RNF111: variants seen among roughly 807,000 people sequenced by gnomAD.
RNF111 encodes E3 ubiquitin-protein ligase Arkadia.
RNF111 carries 17 observed loss-of-function variants against 95.1 expected under a neutral mutation model. The observed-to-expected ratio is 0.18, with a 90% CI of 0.12 to 0.27. The LOEUF is 0.27. Ranked by LOEUF, RNF111 falls within the 10% of genes least tolerant of loss-of-function variation. The pLI is 1.00. For missense variants in RNF111, 1,189 were observed against 1,210.4 expected, an observed-to-expected ratio of 0.98 and a Z score of 0.26; for synonymous variants, 440 against 414.8, an observed-to-expected ratio of 1.06 and a Z score of -0.74.
chr15:59,002,686 A>G (rs1363212605), intron 1 of RNF111, among the ~76,000 whole-genome samples: 1 of 152,212 alleles, frequency 6.6e-6, no homozygotes, highest in Non-Finnish European at 1.5e-5. Context: ...AGTAAAGATA[A>G]AATGAAATAA....
chr15:59,075,900 A>G, intron 6 of RNF111, 54 bp from the exon 7 acceptor site: 2 of 1,568,686 alleles, frequency 1.3e-6, no homozygotes, highest in South Asian at 1.1e-5. Context: ...ATAATATAAC[A>G]TGAAATATTT....
rs117045805 is a variant in RNF111, at chr15:59,080,798, G to T, written c.1949-138G>T. 8.4e-3 allele frequency: 5,512 copies of T among 655,156 alleles called. 53 individuals are homozygous for T. The highest frequency in any genetic ancestry group is 0.028 in the South Asian group (1,262 of 45,424). The allele number at this position is 655,156 out of a possible 1,614,324, so 40.6% of individuals were successfully genotyped here. A position where few individuals can be genotyped will look rare whatever the true frequency, so the allele number is the denominator to read the frequency against. On this transcript the variant is annotated intron_variant, in intron 7 of 13. Coordinates refer to ENST00000348370, the MANE Select transcript of RNF111 (RefSeq NM_017610.8). The stretch of plus-strand genomic sequence containing the variant: ...AAGGGAGCAAGTTGCTTGAGCAGTT[G>T]CTTGAATACTTTACTTGATAAAGTA...
chr15:59,063,402 C>T (rs540722575), intron 5 of RNF111, among the ~76,000 whole-genome samples: 1 of 152,248 alleles, frequency 6.6e-6, no homozygotes, highest in East Asian at 1.9e-4. Flanking sequence ...TCTCGATAAT[C>T]CTGCTAGAGT....
At chr15:59,089,970 T>A (rs1386438595) in intron 11 of RNF111, among the ~76,000 whole-genome samples, 1 of 152,120 alleles carries the variant, frequency 6.6e-6, no homozygotes. Flanking sequence ...GATGAGTAAA[T>A]GAAAATATCT....
At chr15:59,080,880 A>G in intron 7 of RNF111, 56 bp from the exon 8 acceptor site, 1 of 1,288,454 alleles carries the variant, frequency 7.8e-7, no homozygotes, top group Non-Finnish European at 1.1e-6. Flanking sequence ...TATAATAGCA[A>G]TATATGTTCA....
At chr15:59,045,181 A>T (rs2041648608) in intron 2 of RNF111, among the ~76,000 whole-genome samples, 1 of 150,448 alleles carries the variant, frequency 6.6e-6, no homozygotes, top group African/African-American at 2.4e-5. Context: ...TTTTTTTTTA[A>T]GTGTTTCCTC....
chr15:59,009,251 G>T (rs183944300), intron 1 of RNF111, among the ~76,000 whole-genome samples: 6 of 152,116 alleles, frequency 3.9e-5, no homozygotes, highest in African/African-American at 1.4e-4. Context: ...GAGCCACTGC[G>T]CCTGGCCACG....
intron 1 of RNF111, among the ~76,000 whole-genome samples, chr15:58,992,025 T>C (rs1288599321): frequency 6.6e-6 from 1 of 152,112 alleles, no homozygotes; most frequent in Non-Finnish European, 1.5e-5. Context: ...GGAGAAAACT[T>C]GCAAATGTCT....
chr15:59,032,127 C>T (rs2040941398), intron 2 of RNF111, among the ~76,000 whole-genome samples: 3 of 151,988 alleles, frequency 2.0e-5, no homozygotes, highest in African/African-American at 4.8e-5. Context: ...TTAGTGGAGA[C>T]GGGGTTTCAC....
At chr15:59,061,948 C>T (rs964079657) in intron 5 of RNF111, among the ~76,000 whole-genome samples, 1 of 152,166 alleles carries the variant, frequency 6.6e-6, no homozygotes, top group Admixed American at 6.5e-5. Context: ...CTCATCCCCC[C>T]TTTCACTAGC....
chr15:58,997,538 G>T (rs1470961074), intron 1 of RNF111, among the ~76,000 whole-genome samples: 2 of 151,500 alleles, frequency 1.3e-5, no homozygotes, highest in Admixed American at 6.6e-5. Context: ...AAAAATCAGG[G>T]CTGGGTATGG....
chr15:59,036,147 C>T (rs562166798), intron 2 of RNF111, among the ~76,000 whole-genome samples: 1 of 152,184 alleles, frequency 6.6e-6, no homozygotes, highest in South Asian at 2.1e-4. Flanking sequence ...GTGATCTTGG[C>T]TCACTGCAAC....
chr15:59,030,870 G>A lies in RNF111; in HGVS notation c.48G>A (p.Val16=), dbSNP rs377064935. 8.7e-6 allele frequency: 14 copies of A among 1,613,798 alleles called. No homozygotes were observed. In the African/African-American group the frequency reaches 9.3e-5, roughly 11 times the overall value. The part of the protein sequence containing the change: ...PEYNELYTLK[V]DMKSEIPSDA... Reference sequence around the variant, plus strand: ...ATAACGAGCTCTACACCTTAAAAGTGGATATGAAGAGTGAGATTCCTTCTG... The same window carrying A: ...ATAACGAGCTCTACACCTTAAAAGTAGATATGAAGAGTGAGATTCCTTCTG... Residue 16 remains valine (V), a synonymous_variant, in exon 2 of 14, where the codon GTG becomes GTA. Transcript: ENST00000348370.
chr15:59,052,450 G>C lies in RNF111; in HGVS notation c.1007+19G>C, dbSNP rs760040918. On this transcript the variant is annotated intron_variant, in intron 3 of 13. Transcript: ENST00000348370. ...GCTATCGGTGAGATTTTAATTCTTA[G>C]TTAAATGTTTGAAATATTAAATATA... 2.0e-6 allele frequency: 3 copies of C among 1,519,066 alleles called. No individual in the cohort carries two copies. In the Admixed American group the frequency reaches 6.8e-5, roughly 34 times the overall value. 94.1% of individuals were successfully genotyped at this position (1,519,066 alleles called of 1,614,324 possible).
chr15:59,051,721 G>A (rs557080150), intron 2 of RNF111, among the ~76,000 whole-genome samples: 3 of 151,782 alleles, frequency 2.0e-5, no homozygotes, highest in Admixed American at 1.3e-4. Context: ...GCAGTAAGCC[G>A]AGATCATCCC....
chr15:58,989,886 G>A (rs12593271), intron 1 of RNF111, among the ~76,000 whole-genome samples: 114 of 145,740 alleles, frequency 7.8e-4, no homozygotes, highest in Middle Eastern at 6.9e-3. Flanking sequence ...TTTTTTTTTT[G>A]TTATAGTTTA....
At chr15:59,074,027 C>T (rs2043059800) in intron 6 of RNF111, among the ~76,000 whole-genome samples, 1 of 152,182 alleles carries the variant, frequency 6.6e-6, no homozygotes, top group Non-Finnish European at 1.5e-5. Context: ...GAAAAGGTCT[C>T]ACTTTTGCCA....
chr15:59,034,379 G>C (rs1376263935), intron 2 of RNF111, among the ~76,000 whole-genome samples: 1 of 152,188 alleles, frequency 6.6e-6, no homozygotes, highest in Non-Finnish European at 1.5e-5. Context: ...TGCCCTCCAA[G>C]AAGTTTGCAT....
chr15:59,032,078 A>G (rs2040939118), intron 2 of RNF111, among the ~76,000 whole-genome samples: 1 of 152,058 alleles, frequency 6.6e-6, no homozygotes, highest in African/African-American at 2.4e-5. Context: ...AGCCAGGATT[A>G]CAGGTGCCCA....
Sources: gnomAD v4.1 joint callset for allele counts (sites outside exome capture counted in the v4.1 genomes callset) on GRCh38, gnomAD v4.1.1 for gene constraint, MANE v1.5 for transcripts, NCBI Gene and HGNC (gene_info 2026-07-23, HGNC 2026-07-21) for gene names.